The following MRPL40 variants were observed in gnomAD, a reference collection of about 807,000 sequenced individuals.
MRPL40 encodes mitochondrial ribosomal protein L40.
In MRPL40, 18 loss-of-function variants were observed where a neutral mutation model predicts 24.5. The ratio of observed to expected loss-of-function variants is 0.73; its 90% CI spans 0.51 to 1.09. The LOEUF (loss-of-function observed/expected upper bound fraction) is 1.09. Ranked by LOEUF, MRPL40 falls within the 50% of genes least tolerant of loss-of-function variation. The pLI is 0.00. For synonymous variants in MRPL40, 108 were observed against 94.6 expected (o/e 1.14, Z -0.82); for missense variants, 256 against 243.8 (o/e 1.05, Z -0.33).
At chr22:19,433,791 C>G (rs943052099) in intron 2 of MRPL40, among the ~76,000 whole-genome samples, 1 of 151,854 alleles carries the variant, frequency 6.6e-6, no homozygotes, top group Non-Finnish European at 1.5e-5. Flanking sequence ...GAGATGGAGT[C>G]TCACTGTGTC....
chr22:19,434,975 C>G, intron 3 of MRPL40, 81 bp downstream of exon 3: 2 of 1,219,876 alleles, frequency 1.6e-6, no homozygotes, highest in South Asian at 1.5e-5. Flanking sequence ...GTAGTTCACA[C>G]CTGTGATAGT....
rs530414547 is a variant in MRPL40, at chr22:19,432,966, G to T, written c.54-299G>T. On this transcript the variant is annotated intron_variant, in intron 1 of 3. Coordinates refer to ENST00000333130, the MANE Select transcript of MRPL40 (RefSeq NM_003776.4). ...TTTATTTGAGACAGAGTCTCGCTCT[G>T]TCGCCCAGGCTGGAGTGCAGTGGCG... 29 of 989,692 alleles carry T rather than the reference G, an allele frequency of 2.9e-5. No individual in the cohort carries two copies. In the African/African-American group the frequency reaches 4.9e-4, roughly 17 times the overall value. The allele number at this position is 989,692 out of a possible 1,614,324, so 61.3% of individuals were successfully genotyped here. A position where few individuals can be genotyped will look rare whatever the true frequency, so the allele number is the denominator to read the frequency against.
chr22:19,432,626 C>T lies in MRPL40; in HGVS notation c.53+19C>T. On this transcript the variant is annotated intron_variant, in intron 1 of 3. Transcript: ENST00000333130. ...CTAGCGGGTGAGTGCGGACGCTGGC[C>T]GGATAGCGGAGTGCCCAGGGCGCGT... 2 of 1,545,448 alleles carry T rather than the reference C, an allele frequency of 1.3e-6. No homozygotes were observed. Among genetic ancestry groups the T allele is most frequent in the East Asian group, 5.0e-5 (2 of 39,912 alleles).
At chr22:19,434,967 A>T in intron 3 of MRPL40, 73 bp downstream of exon 3, 1 of 1,290,324 alleles carries the variant, frequency 7.7e-7, no homozygotes, top group South Asian at 1.4e-5. Flanking sequence ...TTGTGTCTGT[A>T]GTTCACACCT....
At chr22:19,434,948 T>C (rs2146270804) in intron 3 of MRPL40, 54 bp downstream of exon 3, 2 of 1,449,698 alleles carry the variant, frequency 1.4e-6, no homozygotes, top group African/African-American at 1.4e-5. Context: ...TAATATCAAC[T>C]TCAGGTAGTT....
chr22:19,432,690 C>G lies in MRPL40; in HGVS notation c.53+83C>G, dbSNP rs2089554652. On this transcript the variant is annotated intron_variant, in intron 1 of 3. Transcript: ENST00000333130. ...GACTGTCCGCCAGGACTCGCCTGTG[C>G]TCCCTGCTCGCCTCCCAGTCCACGA... The G allele has an allele frequency of 2.5e-5, 36 of 1,468,988 alleles. No homozygotes were observed. The East Asian group carries it at 9.8e-4, about 40-fold the overall frequency. The allele number at this position is 1,468,988 out of a possible 1,614,324, so 91.0% of individuals were successfully genotyped here. A position where few individuals can be genotyped will look rare whatever the true frequency, so the allele number is the denominator to read the frequency against.
At position 19,433,521 on chromosome 22, in the gene MRPL40, GTTGT is replaced by G. The variant is rs1224363025; in HGVS notation, c.137+178_137+181del. On this transcript the variant is annotated intron_variant, in intron 2 of 3. Transcript: ENST00000333130. ...TCCAACATTTTCCAAACCATAGATT[GTTGT>G]TTGTAATTTTTAAAATTTGAGCAGT... Among the ~76,000 whole-genome samples, 6 of 152,184 alleles carry G rather than the reference GTTGT, an allele frequency of 3.9e-5. No individual in the cohort carries two copies. In the South Asian group the frequency reaches 1.2e-3, roughly 31 times the overall value.
rs1022688399 is a variant in MRPL40, at chr22:19,432,732, C to G, written c.53+125C>G. On this transcript the variant is annotated intron_variant, in intron 1 of 3. Transcript: ENST00000333130. The stretch of plus-strand genomic sequence containing the variant: ...AGTCCACGAATATCTCAGGGATGAG[C>G]CATCTGGTCGTGACTCTTATGCATG... 4 of 1,422,768 alleles carry G rather than the reference C, an allele frequency of 2.8e-6. No individual in the cohort carries two copies. The African/African-American group carries it at 5.9e-5, about 21-fold the overall frequency. 88.1% of individuals were successfully genotyped at this position (1,422,768 alleles called of 1,614,324 possible).
In MRPL40 at chr22:19,435,674, T is replaced by C. The variant is rs778510650; in HGVS notation, c.333T>C (p.Thr111=). 5.5e-5 allele frequency: 89 copies of C among 1,614,110 alleles called. No individual in the cohort carries two copies. Among genetic ancestry groups the C allele is most frequent in the Non-Finnish European group, 7.3e-5 (86 of 1,179,986 alleles). Residue 111 remains threonine, a synonymous_variant, in exon 4 of 4, where the codon ACT becomes ACC. Transcript: ENST00000333130. ...AGGTGGAGCTCACCTTTGAGGAGAC[T>C]GAGAGGAGAGCTCTGCTTCTGAAGA... ...RPQVELTFEE[T]ERRALLLKKW... is the part of the protein sequence containing the mutation.
intron 1 of MRPL40, chr22:19,433,055 T>C: frequency 1.9e-6 from 1 of 515,922 alleles, no homozygotes; most frequent in Non-Finnish European, 3.3e-6. Flanking sequence ...GCCTCCCGAG[T>C]AGCTCGGATT....
intron 3 of MRPL40, 130 bp downstream of exon 3, chr22:19,435,024 G>A: frequency 1.3e-6 from 1 of 759,352 alleles, no homozygotes; most frequent in East Asian, 2.6e-5. Flanking sequence ...GCCCTAATGA[G>A]TCCTTGCTCC....
intron 2 of MRPL40, among the ~76,000 whole-genome samples, chr22:19,433,572 C>T (rs192483674): frequency 1.1e-4 from 16 of 152,220 alleles, no homozygotes; most frequent in Admixed American, 9.2e-4. Flanking sequence ...TAAGTATTCT[C>T]CTTGAAGGGA....
At chr22:19,434,329 T>G (rs974393374) in intron 2 of MRPL40, among the ~76,000 whole-genome samples, 1 of 150,774 alleles carries the variant, frequency 6.6e-6, no homozygotes, top group Non-Finnish European at 1.5e-5. Flanking sequence ...CTCAAGTGAT[T>G]CTCCTGCCTC....
In MRPL40 at chr22:19,436,002, T is replaced by C. The variant is rs1465058705; in HGVS notation, c.*40T>C. The C allele has an allele frequency of 3.3e-6, 5 of 1,525,548 alleles. No homozygotes were observed. The highest frequency in any genetic ancestry group is 2.3e-5 in the East Asian group (1 of 44,222). The allele number at this position is 1,525,548 out of a possible 1,614,324, so 94.5% of individuals were successfully genotyped here. On this transcript the variant is annotated 3_prime_UTR_variant, in exon 4 of 4. Transcript: ENST00000333130. ...ATCCTTAACATGCTGCCCCTGAGAG[T>C]AGGAATGACCAGGGTTCAAGTCTGC... is the stretch of plus-strand genomic sequence containing the variant.
chr22:19,434,101 A>T (rs934260087), intron 2 of MRPL40, among the ~76,000 whole-genome samples: 5 of 145,752 alleles, frequency 3.4e-5, no homozygotes, highest in Non-Finnish European at 7.7e-5. Context: ...TAAGCTTCTA[A>T]TCTAACAGTT....
intron 2 of MRPL40, 123 bp from the exon 3 acceptor site, chr22:19,434,613 G>A (rs2089574692): frequency 5.6e-6 from 4 of 716,838 alleles, no homozygotes; most frequent in Non-Finnish European, 9.1e-6. Flanking sequence ...CTGAGCTCAT[G>A]AGTTAGTCAT....
chr22:19,433,511 A>G (rs575251724), intron 2 of MRPL40, among the ~76,000 whole-genome samples, 163 bp downstream of exon 2: 1 of 152,284 alleles, frequency 6.6e-6, no homozygotes, highest in Non-Finnish European at 1.5e-5. Flanking sequence ...CATTTTCCAA[A>G]CCATAGATTG....
rs1430595231 is a variant in MRPL40, at chr22:19,432,730, A to T, written c.53+123A>T. 9.1e-6 allele frequency: 13 copies of T among 1,423,962 alleles called. No homozygotes were observed. In the Admixed American group the frequency reaches 3.7e-4, roughly 40 times the overall value. The allele number at this position is 1,423,962 out of a possible 1,614,324, so 88.2% of individuals were successfully genotyped here. A position where few individuals can be genotyped will look rare whatever the true frequency, so the allele number is the denominator to read the frequency against. On this transcript the variant is annotated intron_variant, in intron 1 of 3. Transcript: ENST00000333130. ...CCAGTCCACGAATATCTCAGGGATG[A>T]GCCATCTGGTCGTGACTCTTATGCA...
rs781360288 is a variant in MRPL40 at position 19,435,815 on chromosome 22, T to G, written c.474T>G (p.His158Gln). The G allele has an allele frequency of 6.2e-7, 1 of 1,614,212 alleles. No homozygotes were observed. The highest frequency in any genetic ancestry group is 8.5e-7 in the Non-Finnish European group (1 of 1,180,022). The change falls in exon 4 of 4, where the codon CAT (histidine) becomes CAG (glutamine). Residue 158 changes from histidine (H) to glutamine (Q), a missense_variant. By Grantham distance (24) the His-to-Gln change is conservative (BLOSUM62 0). Coordinates refer to ENST00000333130, the MANE Select transcript of MRPL40 (RefSeq NM_003776.4). ...TGCAACTGGAATCCCCGAAGCTCCA[T>G]GCTGAGGCCATCAAGCGGGATCCTA... ...EELQLESPKL[H>Q]AEAIKRDPNL...
Sources: gnomAD v4.1 joint callset for allele counts (sites outside exome capture counted in the v4.1 genomes callset) on GRCh38, gnomAD v4.1.1 for gene constraint, MANE v1.5 for transcripts, NCBI Gene and HGNC (gene_info 2026-07-23, HGNC 2026-07-21) for gene names.